The following FSHB variants were observed in gnomAD, a reference collection of about 807,000 sequenced individuals.
The protein encoded by FSHB is follicle stimulating hormone subunit beta.
Under a neutral mutation model 12.1 loss-of-function variants are expected in FSHB, and 8 were observed. That is an observed-to-expected ratio of 0.66 (90% CI 0.39 to 1.19). The LOEUF (loss-of-function observed/expected upper bound fraction) is 1.19. Among genes scored for constraint, FSHB ranks in the 50% most tolerant of loss-of-function variants. The probability of loss-of-function intolerance (pLI) is 0.01; values close to 1 mark genes in which losing one functional copy is unlikely to be tolerated. For missense variants in FSHB, 153 were observed against 157.2 expected (o/e 0.97, Z 0.14); for synonymous variants, 55 against 54.6 (o/e 1.01, Z -0.04).
Position 30,233,916 on chromosome 11 carries a change from T to C in FSHB, c.*116T>C. 2 of 829,616 alleles carry C rather than the reference T, an allele frequency of 2.4e-6. No individual in the cohort carries two copies. The highest frequency in any genetic ancestry group is 2.0e-6 in the Non-Finnish European group (1 of 502,454). 51.4% of individuals were successfully genotyped at this position (829,616 alleles called of 1,614,324 possible). ...AACCACTGGATCAGGGGATTCAGACTCTACTGATCCCTGGTCTACTGGCAG... is the reference window on the plus strand; with the variant it reads ...AACCACTGGATCAGGGGATTCAGACCCTACTGATCCCTGGTCTACTGGCAG... On this transcript the variant is annotated 3_prime_UTR_variant, in exon 3 of 3. Transcript: ENST00000533718.
intron 2 of FSHB, 40 bp downstream of exon 2, chr11:30,232,101 T>C: frequency 6.2e-7 from 1 of 1,602,986 alleles, no homozygotes; most frequent in Non-Finnish European, 8.5e-7. Flanking sequence ...GTGTTGAAGG[T>C]CTGTATTAGG....
At position 30,234,922 on chromosome 11, in the gene FSHB, A is replaced by G. The variant is rs1162885399; in HGVS notation, c.*1122A>G. On this transcript the variant is annotated 3_prime_UTR_variant, in exon 3 of 3. Coordinates refer to ENST00000533718, the MANE Select transcript of FSHB (RefSeq NM_001382289.1). ...ACAGGTTATATATTAAAACTATTTC[A>G]TGAGTTGATTTCTTTTAAACGTGTT... The G allele has an allele frequency of 6.6e-6, 1 of 152,140 alleles. No individual in the cohort carries two copies. Among genetic ancestry groups the G allele is most frequent in the Admixed American group, 6.5e-5 (1 of 15,268 alleles). 9.4% of individuals were successfully genotyped at this position (152,140 alleles called of 1,614,324 possible).
rs570055757 is a variant in FSHB, at chr11:30,234,583, A to T, written c.*783A>T. ...CCTGCCTCTATTCATTACTTAAACAAATTGATCACATGCTACTAGGCTCCT... is the reference window on the plus strand; with the variant it reads ...CCTGCCTCTATTCATTACTTAAACATATTGATCACATGCTACTAGGCTCCT... On this transcript the variant is annotated 3_prime_UTR_variant, in exon 3 of 3. Coordinates refer to ENST00000533718, the MANE Select transcript of FSHB (RefSeq NM_001382289.1). 2 of 152,298 alleles carry T rather than the reference A, an allele frequency of 1.3e-5. No homozygotes were observed. The highest frequency in any genetic ancestry group is 4.8e-5 in the African/African-American group (2 of 41,538). 9.4% of individuals were successfully genotyped at this position (152,298 alleles called of 1,614,324 possible).
At chr11:30,231,771 A>AT (rs1564984424) in intron 1 of FSHB, 95 bp from the exon 2 acceptor site, 3 of 951,704 alleles carry the variant, frequency 3.2e-6, no homozygotes, top group Non-Finnish European at 3.3e-6. Context: ...AGGAAAAAAA[A>AT]CTTTTGAAGC....
chr11:30,232,096 G>A, intron 2 of FSHB, 35 bp downstream of exon 2: 1 of 1,609,528 alleles, frequency 6.2e-7, no homozygotes, highest in South Asian at 1.1e-5. Context: ...CAAGGGTGTT[G>A]AAGGTCTGTA....
In FSHB at chr11:30,233,854, C is replaced by T; in HGVS notation, c.*54C>T. 1 of 1,478,294 alleles carries T rather than the reference C, an allele frequency of 6.8e-7. No individual in the cohort carries two copies. The highest frequency in any genetic ancestry group is 9.4e-7 in the Non-Finnish European group (1 of 1,064,058). 91.6% of individuals were successfully genotyped at this position (1,478,294 alleles called of 1,614,324 possible). ...CCTTGTCCTGAAGGACCAAGATATT[C>T]AAAAAGTCTGTGTGTGTGCAATGTG... On this transcript the variant is annotated 3_prime_UTR_variant, in exon 3 of 3. Coordinates refer to ENST00000533718, the MANE Select transcript of FSHB (RefSeq NM_001382289.1).
At chr11:30,231,651 A>T (rs1185374487) in intron 1 of FSHB, among the ~76,000 whole-genome samples, 3 of 152,296 alleles carry the variant, frequency 2.0e-5, no homozygotes, top group African/African-American at 4.8e-5. Context: ...TTAAATCATT[A>T]TATTGGAGTT....
At chr11:30,231,787 G>C in intron 1 of FSHB, 79 bp from the exon 2 acceptor site, 2 of 1,122,546 alleles carry the variant, frequency 1.8e-6, no homozygotes, top group Non-Finnish European at 2.7e-6. Flanking sequence ...GAAGCAAAAT[G>C]TGATTGAGGA....
rs1034632909 is a variant in FSHB, at chr11:30,234,660, C to T, written c.*860C>T. On this transcript the variant is annotated 3_prime_UTR_variant, in exon 3 of 3. Coordinates refer to ENST00000533718, the MANE Select transcript of FSHB (RefSeq NM_001382289.1). ...AAAAAACCAAACTATCTCACCCTACCCTCCCTAGGATCCACTTCTTTGGAA... is the reference window on the plus strand; with the variant it reads ...AAAAAACCAAACTATCTCACCCTACTCTCCCTAGGATCCACTTCTTTGGAA... The T allele has an allele frequency of 2.0e-5, 3 of 152,088 alleles. No individual in the cohort carries two copies. Among genetic ancestry groups the T allele is most frequent in the African/African-American group, 4.8e-5 (2 of 41,396 alleles). 9.4% of individuals were successfully genotyped at this position (152,088 alleles called of 1,614,324 possible). A position where few individuals can be genotyped will look rare whatever the true frequency, so the allele number is the denominator to read the frequency against.
Position 30,231,848 on chromosome 11 carries a change from C to T in FSHB, c.-37-18C>T, listed in dbSNP as rs1211257744. On this transcript the variant is annotated intron_variant, in intron 1 of 2. Coordinates refer to ENST00000533718, the MANE Select transcript of FSHB (RefSeq NM_001382289.1). ...TTTGGTCAGCTTACATAATGATTAT[C>T]GTTCTTTGGTTTCTCAGTTTCTAGT... 4.4e-6 allele frequency: 7 copies of T among 1,591,666 alleles called. No homozygotes were observed. The highest frequency in any genetic ancestry group is 2.2e-5 in the South Asian group (2 of 90,434).
At position 30,235,081 on chromosome 11, in the gene FSHB, G is replaced by A. The variant is rs1355389753; in HGVS notation, c.*1281G>A. The A allele has an allele frequency of 6.6e-6, 1 of 152,182 alleles. No individual in the cohort carries two copies. Among genetic ancestry groups the A allele is most frequent in the East Asian group, 1.9e-4 (1 of 5,186 alleles). 9.4% of individuals were successfully genotyped at this position (152,182 alleles called of 1,614,324 possible). A position where few individuals can be genotyped will look rare whatever the true frequency, so the allele number is the denominator to read the frequency against. Reference sequence around the variant, plus strand: ...GTTTTATGTACAAACAGATGACTTAGATATTCTGTATTTTATAATATTAGT... The same window carrying A: ...GTTTTATGTACAAACAGATGACTTAAATATTCTGTATTTTATAATATTAGT... On this transcript the variant is annotated 3_prime_UTR_variant, in exon 3 of 3. Coordinates refer to ENST00000533718, the MANE Select transcript of FSHB (RefSeq NM_001382289.1).
At chr11:30,231,757 A>G in intron 1 of FSHB, 109 bp from the exon 2 acceptor site, 1 of 803,242 alleles carries the variant, frequency 1.2e-6, no homozygotes, top group Non-Finnish European at 2.1e-6. Context: ...AAAAGGCATA[A>G]GGAAGGAAAA....
At position 30,233,581 on chromosome 11, in the gene FSHB, T is replaced by A; in HGVS notation, c.171T>A (p.Tyr57Ter). 1 of 1,613,778 alleles carries A rather than the reference T, an allele frequency of 6.2e-7. No individual in the cohort carries two copies. Among genetic ancestry groups the A allele is most frequent in the Non-Finnish European group, 8.5e-7 (1 of 1,179,768 alleles). ...AGYCYTRDLV[Y>*]KDPARPKIQK... is the part of the protein sequence containing the mutation. ...CTTAAACTCCTCAGGATCTGGTGTA[T>A]AAGGACCCAGCCAGGCCCAAAATCC... Residue 57 changes from tyrosine to a stop codon, truncating the protein, a stop_gained, in exon 3 of 3, where the codon TAT (tyrosine) becomes TAA (stop). Coordinates refer to ENST00000533718, the MANE Select transcript of FSHB (RefSeq NM_001382289.1). LOFTEE classifies it high-confidence loss of function.
At position 30,233,932 on chromosome 11, in the gene FSHB, C is replaced by T. The variant is rs1852045989; in HGVS notation, c.*132C>T. 2 of 757,240 alleles carry T rather than the reference C, an allele frequency of 2.6e-6. No homozygotes were observed. The highest frequency in any genetic ancestry group is 2.7e-5 in the East Asian group (1 of 37,164). 46.9% of individuals were successfully genotyped at this position (757,240 alleles called of 1,614,324 possible). The stretch of plus-strand genomic sequence containing the variant: ...GATTCAGACTCTACTGATCCCTGGT[C>T]TACTGGCAGAGGGAACTCTGGGAAT... On this transcript the variant is annotated 3_prime_UTR_variant, in exon 3 of 3. Transcript: ENST00000533718.
At chr11:30,231,587 T>C (rs1216537255) in intron 1 of FSHB, among the ~76,000 whole-genome samples, 2 of 152,170 alleles carry the variant, frequency 1.3e-5, no homozygotes. Context: ...ATTATCAGAG[T>C]AATTACTTTA....
In FSHB at chr11:30,233,737, C is replaced by A. The variant is rs148454792; in HGVS notation, c.327C>A (p.Ser109Arg). The A allele has an allele frequency of 7.8e-4, 1,258 of 1,614,022 alleles. 2 individuals are homozygous for A. The highest frequency in any genetic ancestry group is 9.4e-4 in the Non-Finnish European group (1,106 of 1,179,942). The change falls in exon 3 of 3, where the codon AGC becomes AGA. Residue 109 changes from serine (S) to arginine (R), a missense_variant. Coordinates refer to ENST00000533718, the MANE Select transcript of FSHB (RefSeq NM_001382289.1). The stretch of plus-strand genomic sequence containing the variant: ...ACTGTGGCAAGTGTGACAGCGACAG[C>A]ACTGATTGTACTGTGCGAGGCCTGG... ...QCHCGKCDSDSTDCTVRGLGP... is the reference protein window; with the variant it reads ...QCHCGKCDSDRTDCTVRGLGP...
intron 2 of FSHB, 113 bp from the exon 3 acceptor site, chr11:30,233,457 G>A (rs1312808638): frequency 1.4e-5 from 11 of 814,656 alleles, no homozygotes; most frequent in South Asian, 1.0e-4. Context: ...ATGAGGTCAT[G>A]TTTTAATGGG....
rs1590623526 is a variant in FSHB at position 30,233,629 on chromosome 11, A to G, written c.219A>G (p.Glu73=). The change falls in exon 3 of 3, where the codon GAA becomes GAG. Residue 73 remains glutamate (E), a synonymous_variant. Transcript: ENST00000533718. The part of the protein sequence containing the change: ...PKIQKTCTFK[E]LVYETVRVPG... ...TCCAGAAAACATGTACCTTCAAGGA[A>G]CTGGTATACGAAACAGTGAGAGTGC... 1.2e-6 allele frequency: 2 copies of G among 1,614,014 alleles called. No homozygotes were observed. The highest frequency in any genetic ancestry group is 4.5e-5 in the East Asian group (2 of 44,836).
rs1448250682 is a variant in FSHB at position 30,231,871 on chromosome 11, A to G, written c.-32A>G. 6.2e-7 allele frequency: 1 copy of G among 1,612,716 alleles called. No homozygotes were observed. Among genetic ancestry groups the G allele is most frequent in the African/African-American group, 1.3e-5 (1 of 74,894 alleles). The stretch of plus-strand genomic sequence containing the variant: ...ATCGTTCTTTGGTTTCTCAGTTTCT[A>G]GTGGGCTTCATTGTTTGCTTCCCAG... On this transcript the variant is annotated 5_prime_UTR_variant, in exon 2 of 3. Transcript: ENST00000533718.
Sources: gnomAD v4.1 joint callset for allele counts (sites outside exome capture counted in the v4.1 genomes callset) on GRCh38, gnomAD v4.1.1 for gene constraint, MANE v1.5 for transcripts, NCBI Gene and HGNC (gene_info 2026-07-23, HGNC 2026-07-21) for gene names.